The following CFAP65 variants were observed in gnomAD, a reference collection of about 807,000 sequenced individuals.
CFAP65 encodes cilia- and flagella-associated protein 65.
Under a neutral mutation model 208.0 loss-of-function variants are expected in CFAP65, and 155 were observed. The ratio of observed to expected loss-of-function variants is 0.75; its 90% CI spans 0.65 to 0.85. The LOEUF (loss-of-function observed/expected upper bound fraction) is 0.85, where lower values mean the gene tolerates loss of function less well. CFAP65 is among the 40% of genes least tolerant of loss of function. The probability of loss-of-function intolerance (pLI) is 0.00; values close to 1 mark genes in which losing one functional copy is unlikely to be tolerated. For synonymous variants in CFAP65, 970 were observed against 986.3 expected (o/e 0.98, Z 0.31); for missense variants, 2,294 against 2,451.3 (o/e 0.94, Z 1.36).
intron 4 of CFAP65, among the ~76,000 whole-genome samples, chr2:219,036,541 TTC>T (rs1948374730): frequency 6.6e-6 from 1 of 151,920 alleles, no homozygotes; most frequent in Non-Finnish European, 1.5e-5. Context: ...GCCTCCCAGG[TTC>T]AAGTGATTTT....
In CFAP65 at chr2:219,002,931, G is replaced by A. The variant is rs779821532; in HGVS notation, c.*6C>T. 1 of 1,563,248 alleles carries A rather than the reference G, an allele frequency of 6.4e-7. No individual in the cohort carries two copies. The highest frequency in any genetic ancestry group is 8.7e-7 in the Non-Finnish European group (1 of 1,153,014). ...GCGGCATGTCGGAGAGGCTGGGCGC[G>A]GGCATTTACGGAAGGTCGGTAGGAA... On this transcript the variant is annotated 3_prime_UTR_variant, in exon 35 of 35. Coordinates refer to ENST00000341552, the MANE Select transcript of CFAP65 (RefSeq NM_194302.4). The surrounding 1 kb of genome is among the most constrained non-coding windows in gnomAD (Gnocchi z 7.9).
chr2:219,032,649 C>T lies in CFAP65; in HGVS notation c.543-77G>A. Reference sequence around the variant, plus strand: ...GGAAGAGGCAGGAAACGAGGGAAGCCCTGCAGCCAAGGGAGCTTGAGTCCC... The same window carrying T: ...GGAAGAGGCAGGAAACGAGGGAAGCTCTGCAGCCAAGGGAGCTTGAGTCCC... On this transcript the variant is annotated intron_variant, in intron 5 of 34. Transcript: ENST00000341552. This position sits in a 1 kb window ranked among gnomAD's most constrained non-coding sequence, Gnocchi z 5.5. 3.8e-6 allele frequency: 5 copies of T among 1,332,750 alleles called. No homozygotes were observed. In the South Asian group the frequency reaches 6.6e-5, roughly 17 times the overall value. 82.6% of individuals were successfully genotyped at this position (1,332,750 alleles called of 1,614,324 possible). A position where few individuals can be genotyped will look rare whatever the true frequency, so the allele number is the denominator to read the frequency against.
intron 27 of CFAP65, 40 bp from the exon 28 acceptor site, chr2:219,009,500 A>G: frequency 2.2e-6 from 3 of 1,368,312 alleles, no homozygotes; most frequent in Non-Finnish European, 3.1e-6. Flanking sequence ...ATTCACAGGG[A>G]TGGAATTGGA....
rs1368610546 is a variant in CFAP65, at chr2:219,031,227, G to A, written c.894C>T (p.Gly298=). 1.2e-5 allele frequency: 20 copies of A among 1,613,814 alleles called. No individual in the cohort carries two copies. Among genetic ancestry groups the A allele is most frequent in the Non-Finnish European group, 1.7e-5 (20 of 1,179,892 alleles). Residue 298 remains glycine, a synonymous_variant, in exon 8 of 35, where the codon GGC becomes GGT. Transcript: ENST00000341552. The surrounding 1 kb of genome is among the most constrained non-coding windows in gnomAD (Gnocchi z 5.2). The part of the protein sequence containing the change: ...MLPATGLLEP[G]QASQIKVTFQ... Reference sequence around the variant, plus strand: ...AGGTCACCTTGATCTGAGAGGCCTGGCCTGGCTCCAGGAGCCCCGTGGCGG... The same window carrying A: ...AGGTCACCTTGATCTGAGAGGCCTGACCTGGCTCCAGGAGCCCCGTGGCGG...
intron 27 of CFAP65, 98 bp downstream of exon 27, chr2:219,009,825 ATGGGATGGGGTTTGTGGGG>A: frequency 2.7e-6 from 1 of 368,590 alleles, no homozygotes; most frequent in Non-Finnish European, 3.4e-6. Flanking sequence ...GGGGGATGGG[ATGGGATGGGGTTTGTGGGG>A]TGGGATGGGA....
intron 28 of CFAP65, 49 bp from the exon 29 acceptor site, chr2:219,009,203 G>A (rs1015012902): frequency 7.0e-6 from 11 of 1,560,624 alleles, no homozygotes; most frequent in African/African-American, 5.4e-5. Context: ...GAGCTTGCCC[G>A]GGGCCTATGC....
chr2:219,040,372 T>A, intron 2 of CFAP65, 147 bp downstream of exon 2: 2 of 644,560 alleles, frequency 3.1e-6, no homozygotes, highest in Non-Finnish European at 2.9e-6. Context: ...CGGAAGATTC[T>A]GTTGACCCTG....
Position 219,006,076 on chromosome 2 carries a change from T to C in CFAP65, c.4867A>G (p.Thr1623Ala), listed in dbSNP as rs1574512487. 6.2e-7 allele frequency: 1 copy of C among 1,613,490 alleles called. No individual in the cohort carries two copies. Among genetic ancestry groups the C allele is most frequent in the Non-Finnish European group, 8.5e-7 (1 of 1,180,016 alleles). The change falls in exon 31 of 35, where the codon ACC (threonine) becomes GCC (alanine). Residue 1623 changes from threonine to alanine, a missense_variant. Transcript: ENST00000341552. ...CLGLTARAHATDYFLANFFSE... is the reference protein window; with the variant it reads ...CLGLTARAHAADYFLANFFSE... ...AAGAAGTTAGCCAGAAAGTAGTCGG[T>C]GGCATGGGCTCGGGCAGTAAGGCCC... is the stretch of plus-strand genomic sequence containing the variant.
At chr2:219,022,423 G>T in intron 16 of CFAP65, 94 bp from the exon 17 acceptor site, 1 of 1,404,914 alleles carries the variant, frequency 7.1e-7, no homozygotes, top group Non-Finnish European at 9.8e-7. Context: ...GTCATGCTAC[G>T]TTAGCCCTTT....
At chr2:219,023,115 G>A (rs1947376759) in intron 16 of CFAP65, 92 bp downstream of exon 16, 5 of 1,056,208 alleles carry the variant, frequency 4.7e-6, no homozygotes, top group East Asian at 2.5e-5. Context: ...GGAATTGGGG[G>A]CTGCACATGG....
chr2:219,030,085 G>A lies in CFAP65; in HGVS notation c.1285C>T (p.His429Tyr), dbSNP rs1176040374. 4 of 1,614,106 alleles carry A rather than the reference G, an allele frequency of 2.5e-6. No individual in the cohort carries two copies. The highest frequency in any genetic ancestry group is 3.4e-6 in the Non-Finnish European group (4 of 1,179,998). The stretch of plus-strand genomic sequence containing the variant: ...GTTCTGGTGTCCAGAGTCTTGGGGT[G>A]GAAGAACACCGACACACATTTCTTC... Reference protein sequence around the residue: ...GEKKCVSVFFHPKTLDTRTVD... With the variant: ...GEKKCVSVFFYPKTLDTRTVD... Residue 429 changes from histidine (H) to tyrosine (Y), a missense_variant, in exon 10 of 35, where the codon CAC (histidine) becomes TAC (tyrosine). His to Tyr is a moderately conservative substitution (Grantham distance 83). Transcript: ENST00000341552.
At position 219,032,560 on chromosome 2, in the gene CFAP65, G is replaced by T. The variant is rs199499586; in HGVS notation, c.555C>A (p.Thr185=). Residue 185 remains threonine, a synonymous_variant, in exon 6 of 35, where the codon ACC becomes ACA. Transcript: ENST00000341552. The surrounding 1 kb of genome is among the most constrained non-coding windows in gnomAD (Gnocchi z 5.5). Reference sequence around the variant, plus strand: ...GAGGGATGACCGTGAAGAAGAACTTGGTCTTGGGGGGCCTGCAGGAGAGAG... The same window carrying T: ...GAGGGATGACCGTGAAGAAGAACTTTGTCTTGGGGGGCCTGCAGGAGAGAG... ...LQKMKYRPPK[T]KFFFTVIPQP... 6.3e-7 allele frequency: 1 copy of T among 1,599,660 alleles called. No homozygotes were observed. The highest frequency in any genetic ancestry group is 1.7e-5 in the Admixed American group (1 of 58,024).
At position 219,003,528 on chromosome 2, in the gene CFAP65, G is replaced by C. The variant is rs1023773158; in HGVS notation, c.5556-256C>G. ...CAGGCGATGTAGTAGGCATCTCAGG[G>C]CCAAGTTTAGAGAAAGGTAGGGAAG... On this transcript the variant is annotated intron_variant, in intron 33 of 34. Transcript: ENST00000341552. The surrounding 1 kb of genome is among the most constrained non-coding windows in gnomAD (Gnocchi z 4.4). Among the ~76,000 whole-genome samples the C allele has an allele frequency of 3.3e-5, 5 of 152,198 alleles. No individual in the cohort carries two copies. The highest frequency in any genetic ancestry group is 2.6e-4 in the Admixed American group (4 of 15,284).
At position 219,003,004 on chromosome 2, in the gene CFAP65, G is replaced by A. The variant is rs1161369030; in HGVS notation, c.5711C>T (p.Thr1904Met). 4 of 1,559,804 alleles carry A rather than the reference G, an allele frequency of 2.6e-6. No homozygotes were observed. Among genetic ancestry groups the A allele is most frequent in the Non-Finnish European group, 3.5e-6 (4 of 1,151,176 alleles). The change falls in exon 35 of 35, where the codon ACG becomes ATG. Residue 1904 changes from threonine to methionine, a missense_variant. Physicochemically the swap from Thr to Met is moderately conservative, Grantham distance 81. Coordinates refer to ENST00000341552, the MANE Select transcript of CFAP65 (RefSeq NM_194302.4). The surrounding 1 kb of genome is among the most constrained non-coding windows in gnomAD (Gnocchi z 4.4). ...CTCTGCTTGCTGCGTCGGCAGCAGC[G>A]TGTCCGGGGTCAGACTCCTGGAAGA... Reference protein sequence around the residue: ...FCVPRSLTPDTLLPTQQAEVL... With the variant: ...FCVPRSLTPDMLLPTQQAEVL...
chr2:219,026,669 C>T (rs1432776177), intron 13 of CFAP65: 1 of 374,880 alleles, frequency 2.7e-6, no homozygotes, highest in Non-Finnish European at 3.7e-6. Flanking sequence ...GTCTTGAAAT[C>T]CAGGGTGCAT....
chr2:219,038,821 C>A (rs921589727), intron 3 of CFAP65, 75 bp downstream of exon 3: 1 of 1,501,024 alleles, frequency 6.7e-7, no homozygotes, highest in Non-Finnish European at 9.0e-7. Context: ...AGGCCCACCC[C>A]ACTAGGCCCC....
chr2:219,033,512 G>A (rs1444958649), intron 5 of CFAP65, among the ~76,000 whole-genome samples: 1 of 149,480 alleles, frequency 6.7e-6, no homozygotes, highest in African/African-American at 2.5e-5. Flanking sequence ...AGAAAAGAAA[G>A]AGAAAGAAAG....
At position 219,031,306 on chromosome 2, in the gene CFAP65, C is replaced by T. The variant is rs1205568003; in HGVS notation, c.816-1G>A. ...CCAGGTGAAGAAGGTGGGCAGGTCC[C>T]TGGGGGTGGGGGGCAGGTCAGGGCA... On this transcript the variant is annotated splice_acceptor_variant, in intron 7 of 34. Coordinates refer to ENST00000341552, the MANE Select transcript of CFAP65 (RefSeq NM_194302.4). LOFTEE classifies it high-confidence loss of function. This position sits in a 1 kb window ranked among gnomAD's most constrained non-coding sequence, Gnocchi z 5.2. 6.2e-7 allele frequency: 1 copy of T among 1,613,408 alleles called. No homozygotes were observed. Among genetic ancestry groups the T allele is most frequent in the Admixed American group, 1.7e-5 (1 of 59,996 alleles).
chr2:219,030,277 C>T (rs575723173), intron 9 of CFAP65, 69 bp from the exon 10 acceptor site: 73 of 1,510,662 alleles, frequency 4.8e-5, no homozygotes, highest in East Asian at 2.5e-4. Flanking sequence ...GGACAGTCTA[C>T]GCATTGTACT....
Sources: gnomAD v4.1 joint callset for allele counts (sites outside exome capture counted in the v4.1 genomes callset) on GRCh38, gnomAD v4.1.1 for gene constraint, Gnocchi (gnomAD v3.1) non-coding constraint, MANE v1.5 for transcripts, NCBI Gene and HGNC (gene_info 2026-07-23, HGNC 2026-07-21) for gene names.